FLYWCH1: variants seen among roughly 807,000 people sequenced by gnomAD.
FLYWCH1 encodes FLYWCH-type zinc finger-containing protein 1.
Under a neutral mutation model 66.4 loss-of-function variants are expected in FLYWCH1, and 75 were observed. The ratio of observed to expected loss-of-function variants is 1.13; its 90% CI spans 0.94 to 1.37. The LOEUF is 1.37. FLYWCH1 is among the 40% of genes most tolerant of loss of function. The pLI, the probability that FLYWCH1 is intolerant of heterozygous loss-of-function variation, is 0.00. For synonymous variants in FLYWCH1, 595 were observed against 429.9 expected, an observed-to-expected ratio of 1.38 and a Z score of -4.75; for missense variants, 1,334 against 1,001.8, an observed-to-expected ratio of 1.33 and a Z score of -4.48.
chr16:2,939,204 G>C (rs962552468), intron 8 of FLYWCH1, among the ~76,000 whole-genome samples: 1 of 152,162 alleles, frequency 6.6e-6, no homozygotes, highest in Non-Finnish European at 1.5e-5. Context: ...CCAGCACTTT[G>C]GGAGGCTGAG....
At chr16:2,930,105 C>T in intron 3 of FLYWCH1, 95 bp downstream of exon 3, 1 of 1,134,924 alleles carries the variant, frequency 8.8e-7, no homozygotes, top group Non-Finnish European at 1.3e-6. Context: ...AGTGTCTTGT[C>T]CTTGCTCCAA....
Position 2,930,496 on chromosome 16 carries a change from G to A in FLYWCH1, c.412G>A (p.Ala138Thr). The change falls in exon 4 of 10, where the codon GCA becomes ACA. Residue 138 changes from alanine (A) to threonine (T), a missense_variant. Physicochemically the swap from Ala to Thr is moderately conservative, Grantham distance 58. Coordinates refer to ENST00000253928, the MANE Select transcript of FLYWCH1 (RefSeq NM_001308068.2). ...GTCCTTCCTGTACAAGCAGGAGAAG[G>A]CAGTGGGGGACAAGGTGTACTGGAA... ...LESFLYKQEKAVGDKVYWKCR... is the reference protein window; with the variant it reads ...LESFLYKQEKTVGDKVYWKCR... 1 of 1,533,374 alleles carries A rather than the reference G, an allele frequency of 6.5e-7. No homozygotes were observed. The highest frequency in any genetic ancestry group is 8.7e-7 in the Non-Finnish European group (1 of 1,144,750). The allele number at this position is 1,533,374 out of a possible 1,614,324, so 95.0% of individuals were successfully genotyped here. A position where few individuals can be genotyped will look rare whatever the true frequency, so the allele number is the denominator to read the frequency against.
chr16:2,949,035 G>A lies in FLYWCH1; in HGVS notation c.*308G>A. On this transcript the variant is annotated 3_prime_UTR_variant, in exon 10 of 10. Coordinates refer to ENST00000253928, the MANE Select transcript of FLYWCH1 (RefSeq NM_001308068.2). ...TGGACACGGACGCCCCTGCTGTACG[G>A]CCACAGCACCCCTGGGTTTGCAGAG... The A allele has an allele frequency of 2.4e-6, 1 of 421,536 alleles. No homozygotes were observed. The highest frequency in any genetic ancestry group is 4.4e-6 in the Non-Finnish European group (1 of 226,242). The allele number at this position is 421,536 out of a possible 1,614,324, so 26.1% of individuals were successfully genotyped here.
chr16:2,913,848 C>G (rs2070073329), intron 1 of FLYWCH1, among the ~76,000 whole-genome samples: 1 of 133,214 alleles, frequency 7.5e-6, no homozygotes, highest in African/African-American at 2.8e-5. Flanking sequence ...CTGGAGTCAT[C>G]CAGGAGCTTT....
chr16:2,925,257 A>G (rs1485131123), intron 2 of FLYWCH1, among the ~76,000 whole-genome samples: 1 of 152,202 alleles, frequency 6.6e-6, no homozygotes, highest in Non-Finnish European at 1.5e-5. Flanking sequence ...GACTTTCTCC[A>G]GAGGGCGGGG....
intron 6 of FLYWCH1, 41 bp downstream of exon 6, chr16:2,934,020 G>A: frequency 6.7e-7 from 1 of 1,482,134 alleles, no homozygotes. Context: ...CAGGAAGCAG[G>A]CAGGAGCCCC....
At chr16:2,947,032 G>A (rs4786357) in intron 9 of FLYWCH1, among the ~76,000 whole-genome samples, 98,794 of 152,050 alleles carry the variant, frequency 0.65, 33,876 homozygotes, top group African/African-American at 0.89. Flanking sequence ...TGTCCACACA[G>A]AAGTATACAC....
intron 2 of FLYWCH1, chr16:2,922,939 C>A: frequency 1.9e-6 from 1 of 524,340 alleles, no homozygotes; most frequent in Non-Finnish European, 3.8e-6. Context: ...GGGCGCTCTT[C>A]CGAGGATATT....
chr16:2,936,346 G>C (rs1362133133), intron 6 of FLYWCH1: 1 of 455,252 alleles, frequency 2.2e-6, no homozygotes, highest in South Asian at 1.6e-5. Flanking sequence ...CTGTGCTGCT[G>C]TGCCCCTCAG....
rs1431440662 is a variant in FLYWCH1 at position 2,933,952 on chromosome 16, C to T, written c.1486C>T (p.Pro496Ser). ...LEALRQREKR[P>S]NTAQRGSPGG... ...GGCCCTGAGGCAGCGGGAGAAACGCCCCAACACGGCGCAGCGGGGGAGCCC... is the reference window on the plus strand; with the variant it reads ...GGCCCTGAGGCAGCGGGAGAAACGCTCCAACACGGCGCAGCGGGGGAGCCC... Residue 496 changes from proline to serine, a missense_variant, in exon 6 of 10, where the codon CCC becomes TCC. Physicochemically the swap from Pro to Ser is moderately conservative, Grantham distance 74. Coordinates refer to ENST00000253928, the MANE Select transcript of FLYWCH1 (RefSeq NM_001308068.2). 7.1e-6 allele frequency: 11 copies of T among 1,555,284 alleles called. No individual in the cohort carries two copies. Among genetic ancestry groups the T allele is most frequent in the Non-Finnish European group, 9.6e-6 (11 of 1,149,724 alleles).
At chr16:2,932,934 T>A (rs917798265) in intron 4 of FLYWCH1, among the ~76,000 whole-genome samples, 196 bp from the exon 5 acceptor site, 14 of 151,542 alleles carry the variant, frequency 9.2e-5, no homozygotes, top group Non-Finnish European at 2.1e-4. Flanking sequence ...GGAATGAGAC[T>A]CTCCTCCGGG....
intron 6 of FLYWCH1, chr16:2,936,885 G>C (rs113260386): frequency 4.6e-6 from 3 of 647,712 alleles, no homozygotes; most frequent in African/African-American, 1.8e-5. Flanking sequence ...AAGGTGGGAC[G>C]CTTGGCCGCC....
At chr16:2,926,342 TA>T (rs1165796806) in intron 2 of FLYWCH1, among the ~76,000 whole-genome samples, 2 of 152,226 alleles carry the variant, frequency 1.3e-5, no homozygotes, top group African/African-American at 4.8e-5. Context: ...GGGCCATTAT[TA>T]AAGCAGCTTT....
At chr16:2,930,070 G>A (rs1423883680) in intron 3 of FLYWCH1, 60 bp downstream of exon 3, 13 of 1,427,936 alleles carry the variant, frequency 9.1e-6, no homozygotes, top group Non-Finnish European at 1.3e-5. Context: ...CTCCCAGCAG[G>A]CCCTGTACAC....
intron 8 of FLYWCH1, 44 bp from the exon 9 acceptor site, chr16:2,939,988 A>G (rs2071193429): frequency 1.3e-6 from 2 of 1,557,956 alleles, no homozygotes. Flanking sequence ...CAGCTTCAAC[A>G]AGAGAAGAAT....
intron 2 of FLYWCH1, chr16:2,922,584 G>C: frequency 3.1e-6 from 1 of 323,114 alleles, no homozygotes; most frequent in South Asian, 2.6e-5. Context: ...CTTGTGCCTG[G>C]CATGTCGTAT....
intron 2 of FLYWCH1, among the ~76,000 whole-genome samples, chr16:2,924,523 G>A (rs2070488634): frequency 6.6e-6 from 1 of 152,216 alleles, no homozygotes; most frequent in Non-Finnish European, 1.5e-5. Context: ...GGGCTGCAGG[G>A]TACAAGGTGG....
chr16:2,938,367 G>T lies in FLYWCH1; in HGVS notation c.1961G>T (p.Arg654Leu), dbSNP rs370312211. The T allele has an allele frequency of 1.3e-6, 2 of 1,587,176 alleles. No individual in the cohort carries two copies. The highest frequency in any genetic ancestry group is 1.7e-6 in the Non-Finnish European group (2 of 1,165,564). The change falls in exon 8 of 10, where the codon CGC becomes CTC. Residue 654 changes from arginine to leucine, a missense_variant. Coordinates refer to ENST00000253928, the MANE Select transcript of FLYWCH1 (RefSeq NM_001308068.2). ...CAGGGCCACCGCATCATGGTCATGC[G>T]CAGCCACTGCCATCAGCCTGACCTG... ...ITQGHRIMVMRSHCHQPDLAG... is the reference protein window; with the variant it reads ...ITQGHRIMVMLSHCHQPDLAG...
chr16:2,937,106 C>A lies in FLYWCH1; in HGVS notation c.1514-15C>A, dbSNP rs2071039930. 6.3e-7 allele frequency: 1 copy of A among 1,591,928 alleles called. No individual in the cohort carries two copies. Among genetic ancestry groups the A allele is most frequent in the Non-Finnish European group, 8.6e-7 (1 of 1,169,230 alleles). On this transcript the variant is annotated splice_polypyrimidine_tract_variant and intron_variant, in intron 6 of 9. Coordinates refer to ENST00000253928, the MANE Select transcript of FLYWCH1 (RefSeq NM_001308068.2). ...AGCTGGTGTCCGCTGCTCCTCCCCT[C>A]CCATTTCTCAACAGGAGGCCCCGAG...
Sources: allele counts gnomAD v4.1 joint callset (sites outside exome capture counted in the v4.1 genomes callset), GRCh38; gene constraint gnomAD v4.1.1; transcripts MANE v1.5; gene names NCBI Gene and HGNC (gene_info 2026-07-23, HGNC 2026-07-21).